Variants in KDM2B observed in about 807,000 individuals in gnomAD.
KDM2B encodes the protein lysine demethylase 2B.
Under a neutral mutation model 150.0 loss-of-function variants are expected in KDM2B, and 26 were observed. That is an observed-to-expected ratio of 0.17 (90% confidence interval 0.13 to 0.24). The LOEUF is 0.24. KDM2B is among the 10% of genes least tolerant of loss of function. The probability of loss-of-function intolerance (pLI) is 1.00; values close to 1 mark genes in which losing one functional copy is unlikely to be tolerated. For missense variants in KDM2B, 1,265 were observed against 1,816.9 expected, an observed-to-expected ratio of 0.70 and a Z score of 5.52; for synonymous variants, 734 against 729.5, an observed-to-expected ratio of 1.01 and a Z score of -0.10.
At chr12:121,470,276 C>T (rs1192807405) in intron 12 of KDM2B, 2 of 152,178 alleles carry the variant, frequency 1.3e-5, no homozygotes, top group African/African-American at 2.4e-5. Context: ...ACTATCATGG[C>T]TCAAAGAGCG....
At chr12:121,444,632 A>T in intron 14 of KDM2B, 96 bp from the exon 15 acceptor site, 1 of 977,776 alleles carries the variant, frequency 1.0e-6, no homozygotes, top group Non-Finnish European at 1.6e-6. Flanking sequence ...AAGCAGCAGC[A>T]CCCCCTCCCC....
chr12:121,519,460 G>A (rs980035172), intron 9 of KDM2B, among the ~76,000 whole-genome samples: 1 of 152,212 alleles, frequency 6.6e-6, no homozygotes, highest in Non-Finnish European at 1.5e-5. Flanking sequence ...GAAAAGGAAT[G>A]AAGCTCTGGC....
At chr12:121,471,994 G>A (rs538823556) in intron 12 of KDM2B, among the ~76,000 whole-genome samples, 7 of 152,238 alleles carry the variant, frequency 4.6e-5, no homozygotes, top group South Asian at 4.1e-4. Flanking sequence ...ATGGTGACGC[G>A]TGCCTATAAT....
In KDM2B at chr12:121,446,377, G is replaced by A. The variant is rs553605443; in HGVS notation, c.1960-959C>T. ...CATGCCACTGCACTCCAGCCTGGGC[G>A]ACAGAGCGAGACTCCGTCAAAAAAA... On this transcript the variant is annotated intron_variant, in intron 13 of 22. Transcript: ENST00000377071. Among the ~76,000 whole-genome samples the A allele has an allele frequency of 4.3e-4, 65 of 152,278 alleles. 1 individual carries two copies. Among genetic ancestry groups the A allele is most frequent in the Admixed American group, 1.3e-3 (20 of 15,304 alleles).
chr12:121,567,706 CTTTTTTTT>C (rs1180847689), intron 4 of KDM2B, among the ~76,000 whole-genome samples: 4 of 120,934 alleles, frequency 3.3e-5, no homozygotes, highest in Non-Finnish European at 6.9e-5. Context: ...AAATACATTT[CTTTTTTTT>C]TTTTTTTTTT....
chr12:121,459,035 A>G (rs1878710740), intron 12 of KDM2B, among the ~76,000 whole-genome samples: 1 of 151,524 alleles, frequency 6.6e-6, no homozygotes, highest in Non-Finnish European at 1.5e-5. Flanking sequence ...GTAGTGAGCC[A>G]AGATCACACC....
intron 2 of KDM2B, among the ~76,000 whole-genome samples, chr12:121,577,473 G>T (rs1353583764): frequency 6.6e-6 from 1 of 152,088 alleles, no homozygotes; most frequent in Non-Finnish European, 1.5e-5. Flanking sequence ...CAGGCTGGGA[G>T]AAATTTATTC....
chr12:121,544,503 G>C (rs1441780347), intron 6 of KDM2B, among the ~76,000 whole-genome samples: 2 of 151,924 alleles, frequency 1.3e-5, no homozygotes, highest in Admixed American at 6.6e-5. Flanking sequence ...CCAGCTGCTC[G>C]GGAGGCTGAG....
chr12:121,564,599 T>G (rs1222865077), intron 4 of KDM2B, among the ~76,000 whole-genome samples: 12 of 152,146 alleles, frequency 7.9e-5, no homozygotes, highest in South Asian at 2.1e-4. Context: ...GGAATAAACC[T>G]AAGAAGATAT....
intron 12 of KDM2B, among the ~76,000 whole-genome samples, chr12:121,466,210 C>T (rs149105107): frequency 6.6e-6 from 1 of 152,248 alleles, no homozygotes; most frequent in East Asian, 1.9e-4. Flanking sequence ...TATAAATAAG[C>T]GTTTTATGCA....
chr12:121,483,696 C>CA (rs1235745816), intron 12 of KDM2B, among the ~76,000 whole-genome samples: 61 of 137,398 alleles, frequency 4.4e-4, no homozygotes, highest in Admixed American at 1.5e-3. Context: ...ACAAAAACAA[C>CA]AAAAAAAACA....
intron 4 of KDM2B, among the ~76,000 whole-genome samples, chr12:121,558,548 G>A (rs1555313164): frequency 6.6e-6 from 1 of 151,666 alleles, no homozygotes; most frequent in Non-Finnish European, 1.5e-5. Flanking sequence ...CCGCCTCTTG[G>A]GTTCAAGCGA....
chr12:121,426,773 A>G (rs782668401), downstream of KDM2B, among the ~76,000 whole-genome samples: 47 of 151,832 alleles, frequency 3.1e-4, no homozygotes, highest in Non-Finnish European at 6.2e-4. Context: ...TCACAGGTGC[A>G]TACTACACTC....
Position 121,549,349 on chromosome 12 carries a change from C to A in KDM2B, c.576+111G>T. On this transcript the variant is annotated intron_variant, in intron 5 of 22. Coordinates refer to ENST00000377071, the MANE Select transcript of KDM2B (RefSeq NM_032590.5). The surrounding 1 kb of genome is among the most constrained non-coding windows in gnomAD (Gnocchi z 4.4). Reference sequence around the variant, plus strand: ...TCACCCCTATGCCTGCCAAGCCCAGCCAGCCACACCCACATGAGCCTTTTT... The same window carrying A: ...TCACCCCTATGCCTGCCAAGCCCAGACAGCCACACCCACATGAGCCTTTTT... 1 of 1,011,962 alleles carries A rather than the reference C, an allele frequency of 9.9e-7. No individual in the cohort carries two copies. The highest frequency in any genetic ancestry group is 1.7e-5 in the South Asian group (1 of 58,302). 62.7% of individuals were successfully genotyped at this position (1,011,962 alleles called of 1,614,324 possible).
intron 10 of KDM2B, among the ~76,000 whole-genome samples, chr12:121,512,908 AC>A (rs1327358738): frequency 6.6e-6 from 1 of 152,062 alleles, no homozygotes; most frequent in Non-Finnish European, 1.5e-5. Flanking sequence ...TAAAAACCCA[AC>A]CTCCAGTGCA....
At chr12:121,561,114 TG>T (rs1890308974) in intron 4 of KDM2B, among the ~76,000 whole-genome samples, 3 of 151,926 alleles carry the variant, frequency 2.0e-5, no homozygotes, top group Admixed American at 1.3e-4. Flanking sequence ...AGGTTCCAGC[TG>T]CGGAAATTAG....
intron 22 of KDM2B, among the ~76,000 whole-genome samples, chr12:121,431,041 G>A (rs1451333361): frequency 2.0e-5 from 3 of 152,128 alleles, no homozygotes; most frequent in African/African-American, 4.8e-5. Flanking sequence ...AGGACTGACC[G>A]TGTGCCAGCA....
At chr12:121,465,966 G>A (rs1555294692) in intron 12 of KDM2B, among the ~76,000 whole-genome samples, 1 of 152,174 alleles carries the variant, frequency 6.6e-6, no homozygotes, top group Admixed American at 6.5e-5. Context: ...AATCCAATCC[G>A]AAAGAGCCGT....
intron 12 of KDM2B, among the ~76,000 whole-genome samples, chr12:121,455,306 T>C (rs1555292522): frequency 6.6e-6 from 1 of 152,100 alleles, no homozygotes; most frequent in Non-Finnish European, 1.5e-5. Flanking sequence ...TGCCCTCTGC[T>C]CTGGGGCAGC....
Sources: gnomAD v4.1 joint callset for allele counts (sites outside exome capture counted in the v4.1 genomes callset) on GRCh38, gnomAD v4.1.1 for gene constraint, Gnocchi (gnomAD v3.1) non-coding constraint, MANE v1.5 for transcripts, NCBI Gene and HGNC (gene_info 2026-07-23, HGNC 2026-07-21) for gene names.